The following TP63 variants were observed in gnomAD, a reference collection of about 807,000 sequenced individuals.
TP63 encodes tumor protein p63.
In TP63, 17 loss-of-function variants were observed where a neutral mutation model predicts 82.8. The observed-to-expected ratio is 0.21, with a 90% CI of 0.14 to 0.31. TP63 has a LOEUF of 0.31. Among genes scored for constraint, TP63 ranks in the 10% least tolerant of loss-of-function variants. The probability of loss-of-function intolerance (pLI) is 1.00; values close to 1 mark genes in which losing one functional copy is unlikely to be tolerated. For missense variants in TP63, 648 were observed against 895.3 expected, an observed-to-expected ratio of 0.72 and a Z score of 3.52; for synonymous variants, 330 against 321.7, an observed-to-expected ratio of 1.03 and a Z score of -0.28.
intron 4 of TP63, among the ~76,000 whole-genome samples, chr3:189,852,056 G>A (rs78482149): frequency 0.093 from 14,128 of 152,186 alleles, 916 homozygotes; most frequent in African/African-American, 0.17. Flanking sequence ...TTTCTTAGAA[G>A]AAATGGGAGT....
chr3:189,633,087 G>A (rs1422947982), intron 1 of TP63, among the ~76,000 whole-genome samples: 2 of 152,054 alleles, frequency 1.3e-5, no homozygotes, highest in East Asian at 1.9e-4. Flanking sequence ...CATTTCTAAT[G>A]ATAAGAGAGG....
intron 3 of TP63, among the ~76,000 whole-genome samples, chr3:189,785,734 A>G (rs1319648506): frequency 6.6e-6 from 1 of 152,002 alleles, no homozygotes; most frequent in Non-Finnish European, 1.5e-5. Context: ...CTTGAATGCC[A>G]TTCTAAGTAA....
intron 1 of TP63, among the ~76,000 whole-genome samples, chr3:189,676,463 T>C (rs1715404458): frequency 6.6e-6 from 1 of 152,106 alleles, no homozygotes; most frequent in South Asian, 2.1e-4. Context: ...CCTTCAGTTA[T>C]ATCATGTTGC....
At chr3:189,841,303 C>G (rs919806518) in intron 4 of TP63, among the ~76,000 whole-genome samples, 1 of 152,160 alleles carries the variant, frequency 6.6e-6, no homozygotes, top group Admixed American at 6.5e-5. Context: ...AGGTGACTTT[C>G]TTATAGAGTT....
intron 4 of TP63, among the ~76,000 whole-genome samples, chr3:189,817,387 A>C (rs1164109463): frequency 6.6e-6 from 1 of 152,180 alleles, no homozygotes; most frequent in Admixed American, 6.5e-5. Context: ...TACGGGACTC[A>C]GAAGGACAAC....
chr3:189,806,462 A>G (rs1263994683), intron 3 of TP63, among the ~76,000 whole-genome samples: 1 of 152,226 alleles, frequency 6.6e-6, no homozygotes, highest in South Asian at 2.1e-4. Flanking sequence ...TTGAACACAA[A>G]GAATATCTTT....
intron 10 of TP63, among the ~76,000 whole-genome samples, chr3:189,883,494 A>G (rs931183219): frequency 2.6e-5 from 4 of 152,176 alleles, no homozygotes; most frequent in African/African-American, 9.7e-5. Context: ...TAATTCTTAC[A>G]TAGTTATCTT....
At chr3:189,810,805 G>A (rs1000543763) in intron 4 of TP63, among the ~76,000 whole-genome samples, 1 of 146,512 alleles carries the variant, frequency 6.8e-6, no homozygotes, top group Non-Finnish European at 1.5e-5. Flanking sequence ...GTGGCGAGCT[G>A]AGATCGCACC....
At chr3:189,830,382 C>T (rs1160516845) in intron 4 of TP63, among the ~76,000 whole-genome samples, 1 of 152,046 alleles carries the variant, frequency 6.6e-6, no homozygotes, top group South Asian at 2.1e-4. Flanking sequence ...AGACAAAATT[C>T]ATTCTATAAA....
rs1712970745 is a variant in TP63, at chr3:189,652,381, G to A, written c.62+20804G>A. Among the ~76,000 whole-genome samples, 3 of 147,152 alleles carry A rather than the reference G, an allele frequency of 2.0e-5. 1 individual carries two copies. In the South Asian group the frequency reaches 6.7e-4, roughly 33 times the overall value. ...CTGTTGGATTTCAACCTTGCATGGG[G>A]CCTATAGCTCCATTGTTTTGGCCAA... On this transcript the variant is annotated intron_variant, in intron 1 of 13. Transcript: ENST00000264731.
At chr3:189,626,295 A>G in the TP63 span, among the ~76,000 whole-genome samples, 1 of 152,156 alleles carries the variant, frequency 6.6e-6, no homozygotes, top group Non-Finnish European at 1.5e-5. Context: ...TGTACAGAAA[A>G]GTGTCATACA....
intron 1 of TP63, among the ~76,000 whole-genome samples, chr3:189,636,938 G>A (rs1022002254): frequency 6.6e-6 from 1 of 152,060 alleles, no homozygotes; most frequent in Non-Finnish European, 1.5e-5. Context: ...TAGACTTTGT[G>A]AATTTTTATT....
Position 189,753,453 on chromosome 3 carries a change from A to C in TP63, c.324+14679A>C, listed in dbSNP as rs1721967103. Among the ~76,000 whole-genome samples, 8 of 151,976 alleles carry C rather than the reference A, an allele frequency of 5.3e-5. No homozygotes were observed. In the South Asian group the frequency reaches 1.5e-3, roughly 28 times the overall value. On this transcript the variant is annotated intron_variant, in intron 3 of 13. Coordinates refer to ENST00000264731, the MANE Select transcript of TP63 (RefSeq NM_003722.5). ...CCGAAGTCTACTTTAGTCTGTATTA[A>C]TATTAATACAGCAAATCTAGCTTTC...
intron 1 of TP63, among the ~76,000 whole-genome samples, chr3:189,713,602 A>G (rs1718753045): frequency 6.6e-6 from 1 of 152,172 alleles, no homozygotes; most frequent in Non-Finnish European, 1.5e-5. Context: ...TTAGAGACTG[A>G]AGCCTGCATA....
chr3:189,722,556 G>A (rs1719471909), intron 1 of TP63, among the ~76,000 whole-genome samples: 1 of 152,074 alleles, frequency 6.6e-6, no homozygotes, highest in African/African-American at 2.4e-5. Context: ...TGAACGCATT[G>A]GGCCTGTAAG....
chr3:189,822,486 A>G (rs979647797), intron 4 of TP63, among the ~76,000 whole-genome samples: 10 of 152,220 alleles, frequency 6.6e-5, no homozygotes, highest in Admixed American at 3.3e-4. Context: ...GCATTCAAAT[A>G]TAAATATATA....
At chr3:189,723,075 C>T (rs1382215679) in intron 1 of TP63, among the ~76,000 whole-genome samples, 1 of 152,208 alleles carries the variant, frequency 6.6e-6, no homozygotes, top group Non-Finnish European at 1.5e-5. Flanking sequence ...TCCAGATGTA[C>T]TCCCAAGTAT....
At chr3:189,666,254 G>T (rs1197183752) in intron 1 of TP63, among the ~76,000 whole-genome samples, 3 of 151,964 alleles carry the variant, frequency 2.0e-5, no homozygotes, top group Non-Finnish European at 1.5e-5. Flanking sequence ...AGAGCACAAA[G>T]TATTCTGATT....
chr3:189,841,229 A>G (rs746037733), intron 4 of TP63, among the ~76,000 whole-genome samples: 2 of 152,320 alleles, frequency 1.3e-5, no homozygotes, highest in Admixed American at 6.5e-5. Context: ...ACTTTGTGTT[A>G]TCGTGAGCAA....
Sources: allele counts gnomAD v4.1 joint callset (sites outside exome capture counted in the v4.1 genomes callset), GRCh38; gene constraint gnomAD v4.1.1; transcripts MANE v1.5; gene names NCBI Gene and HGNC (gene_info 2026-07-23, HGNC 2026-07-21).